WDR72: variants seen among roughly 807,000 people sequenced by gnomAD.
WDR72 encodes the protein WD repeat-containing protein 72.
Under a neutral mutation model 124.2 loss-of-function variants are expected in WDR72, and 120 were observed. The observed-to-expected ratio is 0.97, with a 90% CI of 0.83 to 1.12. The LOEUF (loss-of-function observed/expected upper bound fraction) is 1.12. WDR72 is among the 50% of genes most tolerant of loss of function. The pLI, the probability that WDR72 is intolerant of heterozygous loss-of-function variation, is 0.00. For synonymous variants in WDR72, 452 were observed against 441.7 expected, an observed-to-expected ratio of 1.02 and a Z score of -0.29; for missense variants, 1,387 against 1,278.8, an observed-to-expected ratio of 1.08 and a Z score of -1.29.
At chr15:53,618,178 C>T (rs528855901) in intron 14 of WDR72, among the ~76,000 whole-genome samples, 1 of 151,800 alleles carries the variant, frequency 6.6e-6, no homozygotes, top group Admixed American at 6.6e-5. Flanking sequence ...AGAAAGTAAC[C>T]AATATTTGAA....
chr15:53,743,971 C>CT (rs2018577439), intron 1 of WDR72, among the ~76,000 whole-genome samples: 1 of 101,012 alleles, frequency 9.9e-6, no homozygotes, highest in African/African-American at 3.6e-5. Context: ...CGAGACTCGT[C>CT]TCAAAAAAAA....
chr15:53,660,135 A>C (rs2015560353), intron 14 of WDR72, among the ~76,000 whole-genome samples: 1 of 152,004 alleles, frequency 6.6e-6, no homozygotes, highest in African/African-American at 2.4e-5. Flanking sequence ...AAAATTTACT[A>C]ATCAAAAAGG....
intron 18 of WDR72, among the ~76,000 whole-genome samples, chr15:53,543,535 G>C (rs1464133262): frequency 8.7e-5 from 13 of 150,240 alleles, no homozygotes; most frequent in African/African-American, 3.2e-4. Flanking sequence ...GCCCACAAGA[G>C]AAAGCAGGAA....
intron 13 of WDR72, among the ~76,000 whole-genome samples, chr15:53,676,522 G>T (rs1196782346): frequency 6.6e-6 from 1 of 152,212 alleles, no homozygotes; most frequent in Non-Finnish European, 1.5e-5. Context: ...ATGAATAAAG[G>T]TCAGGGAGTG....
chr15:53,677,701 C>G (rs12908547), intron 13 of WDR72, among the ~76,000 whole-genome samples: 5,782 of 152,210 alleles, frequency 0.038, 140 homozygotes, highest in Non-Finnish European at 0.051. Context: ...TCCCCAGACA[C>G]GTGGAACTGT....
intron 18 of WDR72, among the ~76,000 whole-genome samples, chr15:53,524,510 A>C (rs1891996564): frequency 6.6e-6 from 1 of 152,082 alleles, no homozygotes; most frequent in South Asian, 2.1e-4. Flanking sequence ...AGGTCCAGTC[A>C]GCATTAGTAG....
At chr15:53,603,015 C>T (rs1228992730) in intron 17 of WDR72, among the ~76,000 whole-genome samples, 1 of 152,184 alleles carries the variant, frequency 6.6e-6, no homozygotes, top group African/African-American at 2.4e-5. Context: ...GATACAAAAA[C>T]CTGGCAGAAA....
chr15:53,590,240 G>T (rs79635423), intron 18 of WDR72, among the ~76,000 whole-genome samples: 3 of 151,904 alleles, frequency 2.0e-5, no homozygotes, highest in Middle Eastern at 6.8e-3. Flanking sequence ...CTTTCAACTC[G>T]TATGTGTATG....
At chr15:53,744,616 T>C (rs2140885786) in intron 1 of WDR72, among the ~76,000 whole-genome samples, 1 of 152,336 alleles carries the variant, frequency 6.6e-6, no homozygotes, top group Non-Finnish European at 1.5e-5. Flanking sequence ...GGGGACACTT[T>C]GCAAAACTGT....
intron 18 of WDR72, among the ~76,000 whole-genome samples, chr15:53,583,538 A>C (rs560986952): frequency 6.6e-6 from 1 of 151,866 alleles, no homozygotes; most frequent in Admixed American, 6.6e-5. Flanking sequence ...CCACCTGGAG[A>C]CCTCTTGATA....
chr15:53,734,938 G>C (rs1484649841), intron 1 of WDR72, among the ~76,000 whole-genome samples: 1 of 151,894 alleles, frequency 6.6e-6, no homozygotes, highest in Admixed American at 6.6e-5. Flanking sequence ...TGATACTATT[G>C]GGAGGCTTGT....
At chr15:53,567,162 G>A (rs1237420331) in intron 18 of WDR72, among the ~76,000 whole-genome samples, 1 of 151,958 alleles carries the variant, frequency 6.6e-6, no homozygotes, top group African/African-American at 2.4e-5. Context: ...AGGTTTATGT[G>A]AGCTGTGTGT....
chr15:53,581,749 C>T (rs2011940553), intron 18 of WDR72, among the ~76,000 whole-genome samples: 1 of 152,036 alleles, frequency 6.6e-6, no homozygotes, highest in Non-Finnish European at 1.5e-5. Context: ...AGACAGCACA[C>T]AGCTCTTACC....
intron 14 of WDR72, among the ~76,000 whole-genome samples, chr15:53,618,753 T>A (rs2013868803): frequency 6.6e-6 from 1 of 152,006 alleles, no homozygotes; most frequent in Non-Finnish European, 1.5e-5. Context: ...GTGGATGTTT[T>A]CCCCCAGTCC....
At chr15:53,724,201 A>T (rs1033980904) in intron 2 of WDR72, among the ~76,000 whole-genome samples, 1 of 152,230 alleles carries the variant, frequency 6.6e-6, no homozygotes, top group Non-Finnish European at 1.5e-5. Context: ...ACACTGAATT[A>T]CACATAAGTT....
chr15:53,609,361 G>A (rs896306056), intron 17 of WDR72, 152 bp downstream of exon 17: 26 of 701,028 alleles, frequency 3.7e-5, no homozygotes, highest in African/African-American at 7.0e-5. Flanking sequence ...CTTATGTTAT[G>A]GTCCGTGTTT....
At chr15:53,526,240 C>T (rs1892109601) in intron 18 of WDR72, among the ~76,000 whole-genome samples, 1 of 151,970 alleles carries the variant, frequency 6.6e-6, no homozygotes, top group South Asian at 2.1e-4. Context: ...CCGGAGAAGA[C>T]ATTCTAAGAG....
At chr15:53,630,947 T>C (rs2014402757) in intron 14 of WDR72, among the ~76,000 whole-genome samples, 1 of 152,178 alleles carries the variant, frequency 6.6e-6, no homozygotes, top group South Asian at 2.1e-4. Context: ...CATAATATTG[T>C]ATATAGAAAA....
chr15:53,650,916 T>TTC (rs1555418926), intron 14 of WDR72, among the ~76,000 whole-genome samples: 2 of 142,452 alleles, frequency 1.4e-5, no homozygotes, highest in Non-Finnish European at 3.1e-5. Flanking sequence ...TTTTTTTTTT[T>TTC]ACATAGCAAA....
Sources: allele counts gnomAD v4.1 joint callset (sites outside exome capture counted in the v4.1 genomes callset), GRCh38; gene constraint gnomAD v4.1.1; transcripts MANE v1.5; gene names NCBI Gene and HGNC (gene_info 2026-07-23, HGNC 2026-07-21).